RPA3: variants seen among roughly 807,000 people sequenced by gnomAD.
RPA3 encodes replication protein A3.
In RPA3, 24 loss-of-function variants were observed where a neutral mutation model predicts 13.7. The ratio of observed to expected loss-of-function variants is 1.75; its 90% CI spans 1.27 to 2.46. RPA3 has a LOEUF of 2.46. Ranked by LOEUF, RPA3 falls within the 30% of genes most tolerant of loss-of-function variation. RPA3 has a pLI of 0.00. For missense variants in RPA3, 183 were observed against 151.0 expected, an observed-to-expected ratio of 1.21 and a Z score of -1.11; for synonymous variants, 59 against 51.2, an observed-to-expected ratio of 1.15 and a Z score of -0.65.
rs1196402563 is a variant in RPA3, at chr7:7,684,651, T to C, written c.-758+1179A>G. On this transcript the variant is annotated intron_variant, in intron 4 of 7. Coordinates refer to ENST00000223129, the MANE Select transcript of RPA3 (RefSeq NM_002947.5). ...AATCAGTGGAACAACTGGGAAGCAT[T>C]TTATTAAATTAATTATACAATGTGA... Among the ~76,000 whole-genome samples, 7 of 152,206 alleles carry C rather than the reference T, an allele frequency of 4.6e-5. No homozygotes were observed. In the East Asian group the frequency reaches 1.3e-3, roughly 29 times the overall value.
At chr7:7,689,850 G>A (rs556816454) in intron 2 of RPA3, among the ~76,000 whole-genome samples, 1 of 152,266 alleles carries the variant, frequency 6.6e-6, no homozygotes, top group Non-Finnish European at 1.5e-5. Context: ...TACCAAGGGA[G>A]ACCATATTAC....
chr7:7,703,678 C>T (rs541301881), intron 2 of RPA3, among the ~76,000 whole-genome samples: 6 of 152,226 alleles, frequency 3.9e-5, no homozygotes, highest in African/African-American at 9.6e-5. Context: ...AATTATGAAA[C>T]GCAGACATCT....
At chr7:7,638,108 T>TA in intron 6 of RPA3, 136 bp from the exon 7 acceptor site, 1 of 545,178 alleles carries the variant, frequency 1.8e-6, no homozygotes, top group Non-Finnish European at 3.2e-6. Context: ...GTGTAAAAGT[T>TA]AAAATGTAAC....
chr7:7,717,127 G>A (rs1156440102), intron 1 of RPA3, among the ~76,000 whole-genome samples: 1 of 149,724 alleles, frequency 6.7e-6, no homozygotes, highest in Admixed American at 6.6e-5. Flanking sequence ...CATGATCTTG[G>A]CTCACTGCAA....
At chr7:7,642,247 A>G (rs1456553055) in intron 4 of RPA3, among the ~76,000 whole-genome samples, 2 of 144,666 alleles carry the variant, frequency 1.4e-5, no homozygotes, top group Non-Finnish European at 3.0e-5. Flanking sequence ...CGATCCTCTC[A>G]CCTCAGCCTG....
rs747791675 is a variant in RPA3 at position 7,708,609 on chromosome 7, G to T, written c.-1028+6566C>A. On this transcript the variant is annotated intron_variant, in intron 2 of 7. Coordinates refer to ENST00000223129, the MANE Select transcript of RPA3 (RefSeq NM_002947.5). ...ATAAGTCAACATATTTGTCCTTTTG[G>T]GACAGACCTCAAAAATAGAAGCAAA... Among the ~76,000 whole-genome samples, 5 of 152,118 alleles carry T rather than the reference G, an allele frequency of 3.3e-5. No individual in the cohort carries two copies. In the South Asian group the frequency reaches 1.0e-3, roughly 32 times the overall value.
intron 6 of RPA3, chr7:7,638,539 C>G (rs1784900997): frequency 8.7e-6 from 1 of 115,058 alleles, no homozygotes; most frequent in South Asian, 2.4e-4. Flanking sequence ...GCCATCTTTA[C>G]AAAAAACAAA....
chr7:7,664,800 T>G (rs1201657420), intron 4 of RPA3, among the ~76,000 whole-genome samples: 1 of 152,226 alleles, frequency 6.6e-6, no homozygotes. Flanking sequence ...ACCAAAAGCA[T>G]GGCCTACCTT....
intron 4 of RPA3, among the ~76,000 whole-genome samples, chr7:7,653,779 T>C (rs1476674342): frequency 6.6e-6 from 1 of 152,208 alleles, no homozygotes; most frequent in Non-Finnish European, 1.5e-5. Context: ...AGGGGCGGTT[T>C]TGTCCCCTAG....
At chr7:7,645,991 C>G (rs540051798) in intron 4 of RPA3, among the ~76,000 whole-genome samples, 6 of 152,218 alleles carry the variant, frequency 3.9e-5, no homozygotes, top group East Asian at 3.9e-4. Flanking sequence ...TGTACTCAAA[C>G]CCCTTACGGG....
At chr7:7,638,178 C>G (rs6463710) in intron 6 of RPA3, 2 of 441,512 alleles carry the variant, frequency 4.5e-6, no homozygotes, top group East Asian at 3.9e-5. Context: ...CTACCTTTAG[C>G]AGTAGCTTCA....
intron 4 of RPA3, among the ~76,000 whole-genome samples, chr7:7,666,887 C>A (rs1165923253): frequency 6.6e-6 from 1 of 152,128 alleles, no homozygotes; most frequent in Non-Finnish European, 1.5e-5. Flanking sequence ...CTCACTGCAA[C>A]CTCCGCCTCC....
intron 4 of RPA3, among the ~76,000 whole-genome samples, chr7:7,683,338 TC>T (rs1284636601): frequency 2.0e-5 from 3 of 152,004 alleles, no homozygotes; most frequent in African/African-American, 7.3e-5. Flanking sequence ...ATTGATTTTT[TC>T]CCCCCAGAGT....
At chr7:7,714,192 A>G (rs28912682) in intron 2 of RPA3, among the ~76,000 whole-genome samples, 89 of 152,326 alleles carry the variant, frequency 5.8e-4, no homozygotes, top group African/African-American at 2.1e-3. Flanking sequence ...CCTTTTCTCA[A>G]AGAAAAGCAT....
intron 2 of RPA3, among the ~76,000 whole-genome samples, chr7:7,709,671 A>G (rs1472142995): frequency 2.0e-5 from 3 of 152,236 alleles, no homozygotes; most frequent in Non-Finnish European, 4.4e-5. Context: ...ACAATTTATA[A>G]TAACTGTTTT....
At chr7:7,671,815 T>C (rs1779612215) in intron 4 of RPA3, among the ~76,000 whole-genome samples, 1 of 152,206 alleles carries the variant, frequency 6.6e-6, no homozygotes, top group African/African-American at 2.4e-5. Context: ...AACTTTTCTT[T>C]TGTATCTATT....
chr7:7,637,551 CA>C (rs1319018413), intron 7 of RPA3, among the ~76,000 whole-genome samples: 1 of 151,600 alleles, frequency 6.6e-6, no homozygotes, highest in African/African-American at 2.4e-5. Context: ...AACTCTAGAC[CA>C]ATATATATCA....
intron 2 of RPA3, among the ~76,000 whole-genome samples, chr7:7,688,900 G>A (rs1436820623): frequency 6.6e-6 from 1 of 151,968 alleles, no homozygotes; most frequent in African/African-American, 2.4e-5. Flanking sequence ...TTCTATTAAG[G>A]TATTTTCTCC....
chr7:7,666,493 C>A (rs544075177), intron 4 of RPA3, among the ~76,000 whole-genome samples: 2 of 152,126 alleles, frequency 1.3e-5, no homozygotes, highest in South Asian at 4.2e-4. Context: ...CAGATGTGAG[C>A]CCCTGTACCT....
Sources: gnomAD v4.1 joint callset for allele counts (sites outside exome capture counted in the v4.1 genomes callset) on GRCh38, gnomAD v4.1.1 for gene constraint, MANE v1.5 for transcripts, NCBI Gene and HGNC (gene_info 2026-07-23, HGNC 2026-07-21) for gene names.